The following ARK2N variants were observed in gnomAD, a reference collection of about 807,000 sequenced individuals.
ARK2N encodes the protein arkadia (RNF111) N-terminal like PKA signaling regulator 2N.
At chr18:46,249,391 G>A in the ARK2N span, among the ~76,000 whole-genome samples, 3 of 151,998 alleles carry the variant, frequency 2.0e-5, no homozygotes, top group African/African-American at 4.8e-5. Flanking sequence ...CACCACGCCC[G>A]GCTAATTTTT....
At chr18:46,197,434 G>A in the ARK2N span, among the ~76,000 whole-genome samples, 2 of 151,860 alleles carry the variant, frequency 1.3e-5, no homozygotes, top group Admixed American at 1.3e-4. Flanking sequence ...GGGTTTCACC[G>A]TGTTGGCCAG....
At chr18:46,208,873 A>T in the ARK2N span, among the ~76,000 whole-genome samples, 7 of 152,206 alleles carry the variant, frequency 4.6e-5, no homozygotes, top group East Asian at 1.3e-3. Context: ...AAGGAGGATA[A>T]TGTGGGTAAT....
At chr18:46,261,159 C>A in the ARK2N span, among the ~76,000 whole-genome samples, 3 of 152,160 alleles carry the variant, frequency 2.0e-5, no homozygotes, top group South Asian at 6.2e-4. Flanking sequence ...CTTTATACTT[C>A]TAAATTGTTA....
At chr18:46,190,072 T>C in the ARK2N span, among the ~76,000 whole-genome samples, 2 of 152,322 alleles carry the variant, frequency 1.3e-5, no homozygotes, top group Non-Finnish European at 2.9e-5. Flanking sequence ...GACCTACATA[T>C]TCTTTTCTTA....
the ARK2N span, among the ~76,000 whole-genome samples, chr18:46,189,316 C>T: frequency 6.6e-6 from 1 of 151,296 alleles, no homozygotes; most frequent in Non-Finnish European, 1.5e-5. Flanking sequence ...TGTTCCCCTT[C>T]TTATGTATGA....
chr18:46,198,725 A>G, the ARK2N span, among the ~76,000 whole-genome samples: 1 of 151,988 alleles, frequency 6.6e-6, no homozygotes, highest in African/African-American at 2.4e-5. Flanking sequence ...CAGCCTCCCA[A>G]GTAGCTGGGA....
chr18:46,175,346 C>G, the ARK2N span, among the ~76,000 whole-genome samples: 1 of 152,116 alleles, frequency 6.6e-6, no homozygotes, highest in Non-Finnish European at 1.5e-5. Flanking sequence ...AAACATCTGC[C>G]AATTTTGCTT....
chr18:46,256,769 T>C, the ARK2N span, among the ~76,000 whole-genome samples: 1 of 152,242 alleles, frequency 6.6e-6, no homozygotes, highest in African/African-American at 2.4e-5. Flanking sequence ...GACTCCTTTA[T>C]TATTTTGTGA....
At chr18:46,237,556 T>G in the ARK2N span, among the ~76,000 whole-genome samples, 10 of 152,126 alleles carry the variant, frequency 6.6e-5, no homozygotes, top group South Asian at 1.9e-3. Flanking sequence ...CTCAGCTAAT[T>G]TTTTGTATTT....
the ARK2N span, among the ~76,000 whole-genome samples, chr18:46,210,098 A>G: frequency 6.6e-6 from 1 of 152,336 alleles, no homozygotes; most frequent in African/African-American, 2.4e-5. Context: ...TTTACCTTGT[A>G]GAAATATTGT....
At chr18:46,213,373 T>A in the ARK2N span, among the ~76,000 whole-genome samples, 3 of 151,982 alleles carry the variant, frequency 2.0e-5, no homozygotes, top group Non-Finnish European at 4.4e-5. Context: ...TTTATTCAGT[T>A]AGAAAATCTT....
chr18:46,202,657 G>A, the ARK2N span, among the ~76,000 whole-genome samples: 56 of 151,768 alleles, frequency 3.7e-4, 1 homozygote, highest in Admixed American at 2.8e-3. Context: ...GCGTAGTGGC[G>A]GGTGCCTGTA....
At chr18:46,207,252 A>C in the ARK2N span, among the ~76,000 whole-genome samples, 13 of 152,026 alleles carry the variant, frequency 8.6e-5, no homozygotes, top group Non-Finnish European at 1.3e-4. Context: ...GTATATTTTT[A>C]TTTCTAGTCC....
chr18:46,189,449 C>CT, the ARK2N span, among the ~76,000 whole-genome samples: 1 of 151,946 alleles, frequency 6.6e-6, no homozygotes, highest in Non-Finnish European at 1.5e-5. Flanking sequence ...TGTATTAAAA[C>CT]TTTTTTTTAA....
chr18:46,221,900 TA>T, the ARK2N span, among the ~76,000 whole-genome samples: 1 of 152,248 alleles, frequency 6.6e-6, no homozygotes, highest in Non-Finnish European at 1.5e-5. Context: ...AAGCCTTTTG[TA>T]ATCTGGTTGT....
the ARK2N span, among the ~76,000 whole-genome samples, chr18:46,231,296 G>A: frequency 0.71 from 108,231 of 152,054 alleles, 38,759 homozygotes; most frequent in Middle Eastern, 0.76. Flanking sequence ...AAATTAGCCT[G>A]GTTTCAGGGA....
At chr18:46,222,288 A>T in the ARK2N span, among the ~76,000 whole-genome samples, 3 of 152,244 alleles carry the variant, frequency 2.0e-5, no homozygotes, top group East Asian at 1.9e-4. Flanking sequence ...AAGTTCTCTT[A>T]CTGCTAATGG....
chr18:46,223,672 G>T, the ARK2N span, among the ~76,000 whole-genome samples: 1 of 152,160 alleles, frequency 6.6e-6, no homozygotes, highest in Non-Finnish European at 1.5e-5. Flanking sequence ...TAGGTTGATG[G>T]TATAAGGCTA....
the ARK2N span, chr18:46,266,182 ATTTGTTCATCT>A: frequency 2.6e-5 from 4 of 152,294 alleles, no homozygotes; most frequent in East Asian, 7.7e-4. Context: ...TAATGTAGTC[ATTTGTTCATCT>A]TTACTTTTAG....
Sources: gnomAD v4.1 joint callset for allele counts (sites outside exome capture counted in the v4.1 genomes callset) on GRCh38, gnomAD v4.1.1 for gene constraint, MANE v1.5 for transcripts, NCBI Gene and HGNC (gene_info 2026-07-23, HGNC 2026-07-21) for gene names.